TRPC6: variants seen among roughly 807,000 people sequenced by gnomAD.
TRPC6 encodes the protein short transient receptor potential channel 6.
A neutral mutation model predicts 90.7 loss-of-function variants in TRPC6; 55 were observed. The ratio of observed to expected loss-of-function variants is 0.61; its 90% confidence interval spans 0.49 to 0.76. The LOEUF is 0.76. Ranked by LOEUF, TRPC6 falls within the 30% of genes least tolerant of loss-of-function variation. The pLI, the probability that TRPC6 is intolerant of heterozygous loss-of-function variation, is 0.00. For synonymous variants in TRPC6, 393 were observed against 393.0 expected (o/e 1.00, Z 0.00); for missense variants, 989 against 1,122.7 (o/e 0.88, Z 1.70).
chr11:101,570,200 G>A (rs879150864), intron 1 of TRPC6, among the ~76,000 whole-genome samples: 6 of 151,950 alleles, frequency 3.9e-5, no homozygotes, highest in East Asian at 1.9e-4. Flanking sequence ...TATTACCACC[G>A]ATCCCACAGA....
At position 101,483,055 on chromosome 11, in the gene TRPC6, T is replaced by C. The variant is rs758698007; in HGVS notation, c.1404A>G (p.Thr468=). 9.9e-6 allele frequency: 16 copies of C among 1,613,994 alleles called. No homozygotes were observed. Among genetic ancestry groups the C allele is most frequent in the Non-Finnish European group, 1.3e-5 (15 of 1,179,978 alleles). ...VMNAADRFEG[T]KLLPNETSTD... The stretch of plus-strand genomic sequence containing the variant: ...TGCTGGTTTCATTAGGAAGGAGTTT[T>C]GTGCCTTCAAATCTGTCAGCTGCAT... Residue 468 remains threonine, a synonymous_variant, in exon 5 of 13, where the codon ACA becomes ACG. Coordinates refer to ENST00000344327, the MANE Select transcript of TRPC6 (RefSeq NM_004621.6).
At chr11:101,496,383 A>T (rs10895122) in intron 2 of TRPC6, among the ~76,000 whole-genome samples, 13,091 of 152,272 alleles carry the variant, frequency 0.086, 775 homozygotes, top group East Asian at 0.16. Flanking sequence ...AATTGTCACC[A>T]GATGGCACAC....
At chr11:101,483,260 C>G (rs1013550386) in intron 4 of TRPC6, 95 bp from the exon 5 acceptor site, 5 of 1,204,354 alleles carry the variant, frequency 4.2e-6, no homozygotes, top group Non-Finnish European at 6.1e-6. Flanking sequence ...TCTGCACATT[C>G]CAATGATCTC....
chr11:101,496,196 T>G (rs927302448), intron 2 of TRPC6, among the ~76,000 whole-genome samples: 1 of 152,176 alleles, frequency 6.6e-6, no homozygotes, highest in African/African-American at 2.4e-5. Flanking sequence ...ATCCCCACGA[T>G]GCAGTCATCT....
At chr11:101,535,254 G>T (rs1861015433) in intron 1 of TRPC6, among the ~76,000 whole-genome samples, 1 of 151,884 alleles carries the variant, frequency 6.6e-6, no homozygotes, top group Non-Finnish European at 1.5e-5. Flanking sequence ...AGCATTTGAG[G>T]AGACAAAGTG....
intron 5 of TRPC6, among the ~76,000 whole-genome samples, chr11:101,478,491 A>G (rs1261870181): frequency 2.5e-5 from 3 of 120,606 alleles, no homozygotes; most frequent in Non-Finnish European, 5.2e-5. Flanking sequence ...CCACTTTTCC[A>G]TTTTCTTTTC....
At chr11:101,516,108 G>A (rs1258561785) in intron 1 of TRPC6, among the ~76,000 whole-genome samples, 22 of 133,292 alleles carry the variant, frequency 1.7e-4, no homozygotes, top group South Asian at 4.8e-4. Flanking sequence ...ATGCAGCTGG[G>A]AAAAAAAAAA....
At position 101,491,556 on chromosome 11, in the gene TRPC6, T is replaced by A. The variant is rs767115691; in HGVS notation, c.1128A>T (p.Lys376Asn). The A allele has an allele frequency of 6.2e-7, 1 of 1,613,552 alleles. No homozygotes were observed. The highest frequency in any genetic ancestry group is 1.7e-5 in the Admixed American group (1 of 60,008). ...LKLAIKYEVK[K>N]FVAHPNCQQQ... ...AAACGGGCTTCACGCCTGACCTTAC[T>A]TTTTTTACTTCATATTTAATGGCAA... is the stretch of plus-strand genomic sequence containing the variant. The change falls in exon 3 of 13, where the codon AAA becomes AAT. Residue 376 changes from lysine (K) to asparagine (N), a missense_variant and splice_region_variant. Around this residue, in one of 4 missense-constraint regions of TRPC6, gnomAD observed 486 missense variants for 591.9 expected, o/e 0.82. Coordinates refer to ENST00000344327, the MANE Select transcript of TRPC6 (RefSeq NM_004621.6).
intron 10 of TRPC6, among the ~76,000 whole-genome samples, chr11:101,461,747 A>T (rs543567833): frequency 7.8e-4 from 118 of 152,236 alleles, no homozygotes; most frequent in African/African-American, 2.7e-3. Context: ...CTATAGAAGT[A>T]TTAAGGATCA....
chr11:101,514,883 G>T (rs1860480994), intron 1 of TRPC6, among the ~76,000 whole-genome samples: 1 of 152,150 alleles, frequency 6.6e-6, no homozygotes, highest in African/African-American at 2.4e-5. Flanking sequence ...CTAAACTTGA[G>T]AAAACTTTGG....
chr11:101,498,188 T>C (rs1335215027), intron 2 of TRPC6, among the ~76,000 whole-genome samples: 3 of 152,202 alleles, frequency 2.0e-5, no homozygotes, highest in Non-Finnish European at 4.4e-5. Context: ...GTCAAAGTTT[T>C]GGGTTTTCTG....
intron 1 of TRPC6, among the ~76,000 whole-genome samples, chr11:101,527,463 C>T (rs539543605): frequency 2.0e-5 from 3 of 152,138 alleles, no homozygotes; most frequent in East Asian, 3.9e-4. Context: ...CAAGGAAATA[C>T]GGATTTCAAA....
chr11:101,478,733 A>G (rs1395191159), intron 5 of TRPC6, among the ~76,000 whole-genome samples: 1 of 152,100 alleles, frequency 6.6e-6, no homozygotes, highest in Non-Finnish European at 1.5e-5. Context: ...ATCTTGCGAT[A>G]AGGTGCTTAA....
chr11:101,480,026 A>G (rs1859514304), intron 5 of TRPC6, among the ~76,000 whole-genome samples: 2 of 152,036 alleles, frequency 1.3e-5, no homozygotes, highest in African/African-American at 4.8e-5. Context: ...TAAAAGTACA[A>G]AATTAGCCAG....
chr11:101,539,473 G>T (rs58632055), intron 1 of TRPC6, among the ~76,000 whole-genome samples: 26 of 152,280 alleles, frequency 1.7e-4, no homozygotes, highest in African/African-American at 6.3e-4. Flanking sequence ...TTCCAAGCAG[G>T]CCTTTTGGCT....
chr11:101,472,353 GA>G, intron 7 of TRPC6, 21 bp from the exon 8 acceptor site: 3 of 1,602,404 alleles, frequency 1.9e-6, no homozygotes, highest in Non-Finnish European at 2.6e-6. Flanking sequence ...AATAACAGAA[GA>G]AAAGAAATAA....
chr11:101,461,110 G>A (rs1300024884), intron 10 of TRPC6, among the ~76,000 whole-genome samples: 2 of 152,184 alleles, frequency 1.3e-5, no homozygotes, highest in Non-Finnish European at 1.5e-5. Context: ...CACACAATAT[G>A]TCACCAGGAA....
intron 6 of TRPC6, among the ~76,000 whole-genome samples, chr11:101,474,321 T>A (rs1186999691): frequency 1.3e-5 from 2 of 152,168 alleles, no homozygotes; most frequent in Non-Finnish European, 2.9e-5. Flanking sequence ...TAACTTTTAT[T>A]GGTCACTCAA....
intron 1 of TRPC6, among the ~76,000 whole-genome samples, chr11:101,536,386 C>A (rs893461292): frequency 3.3e-5 from 5 of 149,966 alleles, no homozygotes; most frequent in Non-Finnish European, 7.4e-5. Context: ...GACTCGATCC[C>A]CCAGCCCCTC....
Sources: allele counts gnomAD v4.1 joint callset (sites outside exome capture counted in the v4.1 genomes callset), GRCh38; gene constraint gnomAD v4.1.1; regional missense constraint gnomAD v4.1.1; transcripts MANE v1.5; gene names NCBI Gene and HGNC (gene_info 2026-07-23, HGNC 2026-07-21).